The following ACBD6 variants were observed in gnomAD, a reference collection of about 807,000 sequenced individuals.
The protein encoded by ACBD6 is acyl-CoA binding domain containing 6.
In ACBD6, 28 loss-of-function variants were observed where a neutral mutation model predicts 37.2. That is an observed-to-expected ratio of 0.75 (90% CI 0.56 to 1.03). The LOEUF (loss-of-function observed/expected upper bound fraction) is 1.03, where lower values mean the gene tolerates loss of function less well. Among genes scored for constraint, ACBD6 ranks in the 50% least tolerant of loss-of-function variants. ACBD6 has a pLI of 0.00. For missense variants in ACBD6, 340 were observed against 337.4 expected (o/e 1.01, Z -0.06); for synonymous variants, 113 against 126.8 (o/e 0.89, Z 0.73).
At chr1:180,501,320 C>T (rs951343467) in intron 1 of ACBD6, among the ~76,000 whole-genome samples, 3 of 147,950 alleles carry the variant, frequency 2.0e-5, no homozygotes, top group Non-Finnish European at 4.5e-5. Context: ...AGTTGTAATA[C>T]TGCATTTTGC....
At chr1:180,308,160 G>C (rs1386333572) in intron 7 of ACBD6, among the ~76,000 whole-genome samples, 5 of 151,918 alleles carry the variant, frequency 3.3e-5, no homozygotes, top group African/African-American at 4.8e-5. Flanking sequence ...ATTTACATAA[G>C]TTCTATTTGG....
intron 6 of ACBD6, among the ~76,000 whole-genome samples, chr1:180,356,096 C>A (rs920543585): frequency 6.6e-6 from 1 of 151,992 alleles, no homozygotes; most frequent in Admixed American, 6.6e-5. Flanking sequence ...TGGTCTTGAA[C>A]TCCTGACCTC....
chr1:180,435,415 ATT>A (rs57053936), intron 3 of ACBD6: 33,708 of 291,830 alleles, frequency 0.12, 3 homozygotes, highest in South Asian at 0.19. Context: ...CGCCTGGCTA[ATT>A]TTTTTTTTTT....
chr1:180,279,635 A>AT (rs1445022367), intron 9 of ACBD6, among the ~76,000 whole-genome samples: 1 of 151,924 alleles, frequency 6.6e-6, no homozygotes, highest in Non-Finnish European at 1.5e-5. Flanking sequence ...ACACTCATAC[A>AT]TTTTTCTTTC....
At chr1:180,486,097 A>G (rs1228293999) in intron 3 of ACBD6, among the ~76,000 whole-genome samples, 1 of 152,158 alleles carries the variant, frequency 6.6e-6, no homozygotes, top group Non-Finnish European at 1.5e-5. Flanking sequence ...CCAGGCCCTG[A>G]CCATTCTTTA....
intron 6 of ACBD6, among the ~76,000 whole-genome samples, chr1:180,370,449 A>G (rs527690064): frequency 9.8e-5 from 15 of 152,320 alleles, no homozygotes; most frequent in Non-Finnish European, 2.1e-4. Context: ...ACAAGAGACC[A>G]CTAGGAATAT....
chr1:180,431,717 C>T (rs1648819081), intron 3 of ACBD6, among the ~76,000 whole-genome samples: 3 of 151,738 alleles, frequency 2.0e-5, no homozygotes, highest in Admixed American at 2.0e-4. Flanking sequence ...ATACTTGGCG[C>T]TCGAGATGAT....
chr1:180,461,895 T>A (rs546553095), intron 3 of ACBD6, among the ~76,000 whole-genome samples: 1 of 152,196 alleles, frequency 6.6e-6, no homozygotes, highest in East Asian at 1.9e-4. Context: ...CCAGGTAGCA[T>A]CATGATGACA....
intron 3 of ACBD6, among the ~76,000 whole-genome samples, chr1:180,484,813 C>G (rs1006987588): frequency 6.6e-6 from 1 of 151,992 alleles, no homozygotes; most frequent in Non-Finnish European, 1.5e-5. Flanking sequence ...CACCTTTAAT[C>G]CCAGCACTTT....
At chr1:180,453,908 A>G (rs901982571) in intron 3 of ACBD6, among the ~76,000 whole-genome samples, 1 of 152,246 alleles carries the variant, frequency 6.6e-6, no homozygotes, top group African/African-American at 2.4e-5. Context: ...AAACAAATGG[A>G]AAAACATTCC....
intron 6 of ACBD6, among the ~76,000 whole-genome samples, chr1:180,340,131 A>C (rs1571382595): frequency 6.6e-6 from 1 of 152,086 alleles, no homozygotes; most frequent in African/African-American, 2.4e-5. Context: ...TAGTAATAGG[A>C]GATGAGGGGA....
intron 6 of ACBD6, among the ~76,000 whole-genome samples, chr1:180,334,799 T>C (rs9425497): frequency 0.2 from 30,464 of 151,654 alleles, 4,216 homozygotes; most frequent in African/African-American, 0.4. Context: ...GAATAACCAA[T>C]GCAGAGAAGT....
intron 4 of ACBD6, among the ~76,000 whole-genome samples, chr1:180,427,620 T>C (rs1298238453): frequency 6.6e-6 from 1 of 152,102 alleles, no homozygotes; most frequent in Non-Finnish European, 1.5e-5. Flanking sequence ...AATCCAACAT[T>C]TCAGTACATA....
chr1:180,303,684 G>A (rs890221287), intron 7 of ACBD6, among the ~76,000 whole-genome samples: 1 of 150,782 alleles, frequency 6.6e-6, no homozygotes, highest in African/African-American at 2.4e-5. Context: ...GGTACAAGGA[G>A]GAGCTGGTAC....
At chr1:180,304,431 G>A (rs1321009513) in intron 7 of ACBD6, among the ~76,000 whole-genome samples, 8 of 150,788 alleles carry the variant, frequency 5.3e-5, no homozygotes, top group Admixed American at 2.6e-4. Flanking sequence ...AAATCAATGT[G>A]CAAAAATCAC....
chr1:180,312,972 C>G (rs946067761), intron 7 of ACBD6, among the ~76,000 whole-genome samples: 1 of 152,168 alleles, frequency 6.6e-6, no homozygotes, highest in African/African-American at 2.4e-5. Context: ...TACTTTACCA[C>G]TCTTAAAATG....
At chr1:180,382,396 C>A (rs1328701691) in intron 6 of ACBD6, among the ~76,000 whole-genome samples, 1 of 151,800 alleles carries the variant, frequency 6.6e-6, no homozygotes, top group Non-Finnish European at 1.5e-5. Context: ...CATAGAAATA[C>A]AAAGGATCAA....
chr1:180,473,970 A>G (rs556417682), intron 3 of ACBD6, among the ~76,000 whole-genome samples: 3 of 152,308 alleles, frequency 2.0e-5, no homozygotes, highest in Admixed American at 6.5e-5. Context: ...ATGTACATAC[A>G]TACACACACC....
intron 7 of ACBD6, among the ~76,000 whole-genome samples, chr1:180,289,575 G>GT (rs1405738033): frequency 6.6e-6 from 1 of 152,152 alleles, no homozygotes; most frequent in Non-Finnish European, 1.5e-5. Context: ...CTCCAACCTA[G>GT]TAATTCTACT....
Sources: allele counts gnomAD v4.1 joint callset (sites outside exome capture counted in the v4.1 genomes callset), GRCh38; gene constraint gnomAD v4.1.1; transcripts MANE v1.5; gene names NCBI Gene and HGNC (gene_info 2026-07-23, HGNC 2026-07-21).